The following MARCHF1 variants were observed in gnomAD, a reference collection of about 807,000 sequenced individuals.
MARCHF1 encodes E3 ubiquitin-protein ligase MARCHF1.
Under a neutral mutation model 54.2 loss-of-function variants are expected in MARCHF1, and 40 were observed. The observed-to-expected ratio is 0.74, with a 90% CI of 0.57 to 0.96. The LOEUF (loss-of-function observed/expected upper bound fraction) is 0.96, where lower values mean the gene tolerates loss of function less well. Ranked by LOEUF, MARCHF1 falls within the 40% of genes least tolerant of loss-of-function variation. The probability of loss-of-function intolerance (pLI) is 0.00; values close to 1 mark genes in which losing one functional copy is unlikely to be tolerated. For synonymous variants in MARCHF1, 236 were observed against 236.3 expected, an observed-to-expected ratio of 1.00 and a Z score of 0.01; for missense variants, 586 against 656.5, an observed-to-expected ratio of 0.89 and a Z score of 1.17.
At chr4:163,652,066 T>C (rs1168585802) in intron 5 of MARCHF1, among the ~76,000 whole-genome samples, 1 of 151,844 alleles carries the variant, frequency 6.6e-6, no homozygotes, top group African/African-American at 2.4e-5. Flanking sequence ...TCCCTCTTTT[T>C]AGAATGTTCT....
chr4:163,806,460 T>C (rs934459365), intron 4 of MARCHF1, among the ~76,000 whole-genome samples: 4 of 152,218 alleles, frequency 2.6e-5, no homozygotes. Context: ...CTTACCCTTT[T>C]GGATAAATTA....
intron 3 of MARCHF1, among the ~76,000 whole-genome samples, chr4:163,982,462 C>T (rs1359615990): frequency 6.6e-6 from 1 of 152,166 alleles, no homozygotes; most frequent in Admixed American, 6.6e-5. Flanking sequence ...ATCTCATAAG[C>T]CAGTTGCTGC....
At chr4:164,052,348 A>G (rs754555473) in intron 2 of MARCHF1, among the ~76,000 whole-genome samples, 2 of 152,028 alleles carry the variant, frequency 1.3e-5, no homozygotes, top group Non-Finnish European at 2.9e-5. Flanking sequence ...CCTGGCCAAC[A>G]TGGTAAAGCC....
intron 4 of MARCHF1, among the ~76,000 whole-genome samples, chr4:163,738,477 G>A (rs1746108645): frequency 6.6e-6 from 1 of 152,212 alleles, no homozygotes; most frequent in African/African-American, 2.4e-5. Context: ...GATATGACAT[G>A]TGAGAGCCTA....
At chr4:163,817,506 C>A (rs746371102) in intron 4 of MARCHF1, among the ~76,000 whole-genome samples, 5 of 151,418 alleles carry the variant, frequency 3.3e-5, no homozygotes, top group Non-Finnish European at 7.4e-5. Context: ...TCAGTAAGCA[C>A]ATCTTTGGTG....
intron 4 of MARCHF1, among the ~76,000 whole-genome samples, chr4:163,794,621 A>T (rs1747860530): frequency 6.6e-6 from 1 of 152,144 alleles, no homozygotes; most frequent in African/African-American, 2.4e-5. Flanking sequence ...ATTTCTGCCT[A>T]TTTCCTATAT....
At chr4:163,572,717 T>C (rs969876708) in intron 8 of MARCHF1, among the ~76,000 whole-genome samples, 1 of 152,100 alleles carries the variant, frequency 6.6e-6, no homozygotes. Context: ...TTTACTTTGT[T>C]TCATGTTTCC....
chr4:164,180,440 G>A (rs1030211168), intron 1 of MARCHF1, among the ~76,000 whole-genome samples: 100 of 152,226 alleles, frequency 6.6e-4, no homozygotes, highest in African/African-American at 2.4e-3. Context: ...TCCATTTAAT[G>A]TTCATCTAAT....
intron 3 of MARCHF1, among the ~76,000 whole-genome samples, chr4:163,918,323 G>A (rs182177238): frequency 2.8e-4 from 43 of 152,180 alleles, no homozygotes; most frequent in Non-Finnish European, 5.9e-5. Context: ...TTTATTAGAT[G>A]TATGTTTTGT....
intron 7 of MARCHF1, among the ~76,000 whole-genome samples, chr4:163,597,793 C>T (rs1740825090): frequency 6.6e-6 from 1 of 152,120 alleles, no homozygotes; most frequent in African/African-American, 2.4e-5. Flanking sequence ...TGAGTTGTGT[C>T]TAGTTCCCTT....
At chr4:164,148,488 C>T (rs754734804) in intron 1 of MARCHF1, among the ~76,000 whole-genome samples, 1 of 151,738 alleles carries the variant, frequency 6.6e-6, no homozygotes, top group Non-Finnish European at 1.5e-5. Context: ...TATCCTTTTC[C>T]TAATTTCTTT....
intron 4 of MARCHF1, among the ~76,000 whole-genome samples, chr4:163,843,666 G>A (rs1445499904): frequency 6.6e-6 from 1 of 151,948 alleles, no homozygotes; most frequent in Non-Finnish European, 1.5e-5. Context: ...GCATGCTTTA[G>A]CTCCTTTCCC....
Position 163,620,567 on chromosome 4 carries a change from CCACACA to C in MARCHF1, c.163-7180_163-7175del, listed in dbSNP as rs138692310. 2.0e-3 allele frequency among the ~76,000 whole-genome samples: 245 copies of C among 120,086 alleles called. 1 individual carries two copies. The highest frequency in any genetic ancestry group is 3.7e-3 in the African/African-American group (116 of 31,730). The allele number at this position is 120,086 out of a possible 152,430, so 78.8% of individuals were successfully genotyped here. A position where few individuals can be genotyped will look rare whatever the true frequency, so the allele number is the denominator to read the frequency against. On this transcript the variant is annotated intron_variant, in intron 5 of 9. Transcript: ENST00000514618. ...TAAGCCATAAAAAGAATGAGGTACA[CCACACA>C]CACACACACACACACACACACACAC...
At chr4:163,997,421 T>C (rs1753098398) in intron 2 of MARCHF1, among the ~76,000 whole-genome samples, 3 of 151,934 alleles carry the variant, frequency 2.0e-5, no homozygotes, top group South Asian at 4.1e-4. Context: ...GAAAGATAAT[T>C]ATGACAATTT....
chr4:163,793,928 A>G (rs1747840624), intron 4 of MARCHF1, among the ~76,000 whole-genome samples: 1 of 152,162 alleles, frequency 6.6e-6, no homozygotes, highest in East Asian at 1.9e-4. Context: ...GTCTTGCCGA[A>G]GCTCCCGGCT....
At chr4:163,953,299 T>C (rs1237377976) in intron 3 of MARCHF1, among the ~76,000 whole-genome samples, 2 of 152,230 alleles carry the variant, frequency 1.3e-5, no homozygotes, top group African/African-American at 4.8e-5. Context: ...GGCGTCAGAC[T>C]TGGATTATTT....
intron 1 of MARCHF1, among the ~76,000 whole-genome samples, chr4:164,201,719 G>A (rs981671701): frequency 3.9e-5 from 6 of 152,306 alleles, no homozygotes; most frequent in African/African-American, 1.4e-4. Flanking sequence ...TGAGCAGCTA[G>A]AGGGATTTGG....
At chr4:163,554,518 A>C (rs2110952876) in intron 8 of MARCHF1, among the ~76,000 whole-genome samples, 1 of 152,332 alleles carries the variant, frequency 6.6e-6, no homozygotes, top group South Asian at 2.1e-4. Flanking sequence ...ACATGGTCAG[A>C]GAGGCTTGGA....
chr4:164,213,651 A>G (rs1047233320), intron 1 of MARCHF1, among the ~76,000 whole-genome samples: 1 of 152,324 alleles, frequency 6.6e-6, no homozygotes, highest in East Asian at 1.9e-4. Context: ...TTAAAAAATT[A>G]AAACCAAAAC....
Sources: allele counts gnomAD v4.1 joint callset (sites outside exome capture counted in the v4.1 genomes callset), GRCh38; gene constraint gnomAD v4.1.1; transcripts MANE v1.5; gene names NCBI Gene and HGNC (gene_info 2026-07-23, HGNC 2026-07-21).